Variants in SLC38A10 observed in about 807,000 individuals in gnomAD.
SLC38A10 encodes the protein solute carrier family 38 member 10, also known as Sodium-coupled neutral amino acid transporter 10.
SLC38A10 carries 53 observed loss-of-function variants against 81.0 expected under a neutral mutation model. That is an observed-to-expected ratio of 0.65 (90% CI 0.53 to 0.82). The LOEUF (loss-of-function observed/expected upper bound fraction) is 0.82, where lower values mean the gene tolerates loss of function less well. SLC38A10 is among the 40% of genes least tolerant of loss of function. The pLI is 0.00. For missense variants in SLC38A10, 1,471 were observed against 1,545.0 expected (o/e 0.95, Z 0.80); for synonymous variants, 665 against 655.3 (o/e 1.01, Z -0.23).
At chr17:81,280,493 C>A in intron 6 of SLC38A10, 116 bp downstream of exon 6, 1 of 1,471,810 alleles carries the variant, frequency 6.8e-7, no homozygotes, top group Non-Finnish European at 9.2e-7. Context: ...CAAGACATCA[C>A]TCTTTAGCAG....
At chr17:81,280,055 C>T (rs577052137) in intron 6 of SLC38A10, 16 of 413,168 alleles carry the variant, frequency 3.9e-5, no homozygotes, top group Middle Eastern at 4.1e-4. Context: ...TCTTTTCAGC[C>T]GGTTACCATG....
chr17:81,246,589 A>C lies in SLC38A10; in HGVS notation c.2327T>G (p.Leu776Arg). 6.6e-6 allele frequency: 10 copies of C among 1,516,914 alleles called. No homozygotes were observed. The highest frequency in any genetic ancestry group is 8.8e-6 in the Non-Finnish European group (10 of 1,134,736). 94.0% of individuals were successfully genotyped at this position (1,516,914 alleles called of 1,614,324 possible). ...EGKARETVEN[L>R]PPLPLDPVLR... ...GACAGGGTCCAAAGGCAGGGGAGGC[A>C]GATTCTCCACCGTCTCCCTGGCCTT... is the stretch of plus-strand genomic sequence containing the variant. The change falls in exon 16 of 16, where the codon CTG (leucine) becomes CGG (arginine). Residue 776 changes from leucine to arginine, a missense_variant. By Grantham distance (102) the Leu-to-Arg change is moderately radical. This residue lies in a region of SLC38A10 where 751 missense variants were observed against 717.4 expected (regional missense o/e 1.05). Transcript: ENST00000374759.
rs2062858497 is a variant in SLC38A10, at chr17:81,247,005, GTTC to G, written c.2119_2121del (p.Glu707del). ...AGCAAGCGCTTTTGCTGCACCTGCT[GTTC>G]TTTGATCACCTGAAGCAGGACGGCG... On this transcript the variant is annotated inframe_deletion, in exon 15 of 16. Transcript: ENST00000374759. The G allele has an allele frequency of 6.2e-7, 1 of 1,604,784 alleles. No individual in the cohort carries two copies. The highest frequency in any genetic ancestry group is 8.5e-7 in the Non-Finnish European group (1 of 1,179,478).
chr17:81,247,109 C>G (rs377118913), intron 14 of SLC38A10, 48 bp from the exon 15 acceptor site: 2 of 1,527,132 alleles, frequency 1.3e-6, no homozygotes, highest in Admixed American at 1.8e-5. Context: ...GCTCATGCAC[C>G]GTGCTGGGCC....
rs2063292501 is a variant in SLC38A10 at position 81,289,395 on chromosome 17, CAG to C, written c.217+294_217+295del. Among the ~76,000 whole-genome samples, 1 of 151,052 alleles carries C rather than the reference CAG, an allele frequency of 6.6e-6. No homozygotes were observed. Among genetic ancestry groups the C allele is most frequent in the Non-Finnish European group, 1.5e-5 (1 of 67,852 alleles). Reference sequence around the variant, plus strand: ...AATTTGATTTTTAATTCTTTTGAGACAGGGTCTCGCTCTGTCACCCAGGCTGG... The same window carrying C: ...AATTTGATTTTTAATTCTTTTGAGACGGTCTCGCTCTGTCACCCAGGCTGG... On this transcript the variant is annotated intron_variant, in intron 2 of 15. Transcript: ENST00000374759. The surrounding 1 kb of genome is among the most constrained non-coding windows in gnomAD (Gnocchi z 5.9).
chr17:81,251,925 C>T (rs1263582416), intron 13 of SLC38A10: 1 of 547,696 alleles, frequency 1.8e-6, no homozygotes. Flanking sequence ...CCGCGCCGCC[C>T]CCCGTGTGCG....
intron 8 of SLC38A10, 149 bp downstream of exon 8, chr17:81,275,820 T>C (rs890844756): frequency 3.6e-6 from 3 of 842,712 alleles, no homozygotes; most frequent in Admixed American, 2.7e-5. Context: ...CTGGTTCCTC[T>C]AGGCTCCCCC....
At chr17:81,268,622 A>G (rs1462919941) in intron 10 of SLC38A10, among the ~76,000 whole-genome samples, 1 of 152,164 alleles carries the variant, frequency 6.6e-6, no homozygotes, top group Non-Finnish European at 1.5e-5. Flanking sequence ...AGTTTTAAAT[A>G]AGGGTTGATA....
intron 5 of SLC38A10, 77 bp downstream of exon 5, chr17:81,282,112 C>A (rs7213540): frequency 6.3e-7 from 1 of 1,591,296 alleles, no homozygotes; most frequent in East Asian, 2.3e-5. Context: ...GACCTGGGCA[C>A]GAGCCTGCTG....
At chr17:81,248,061 C>T (rs1173956327) in intron 14 of SLC38A10, among the ~76,000 whole-genome samples, 1 of 150,246 alleles carries the variant, frequency 6.7e-6, no homozygotes, top group Non-Finnish European at 1.5e-5. Context: ...GGGTTCACGC[C>T]ATTCTTCTGC....
In SLC38A10 at chr17:81,276,380, TTTTC is replaced by T. The variant is rs1042682873; in HGVS notation, c.730-233_730-230del. ...TGTAAGAACATGCCCATTTCTTTCT[TTTTC>T]TTTCTTTTTTTTTTTTTTTGAGACG... On this transcript the variant is annotated intron_variant, in intron 7 of 15. Coordinates refer to ENST00000374759, the MANE Select transcript of SLC38A10 (RefSeq NM_001037984.3). The surrounding 1 kb of genome is among the most constrained non-coding windows in gnomAD (Gnocchi z 4.7). Among the ~76,000 whole-genome samples, 16 of 151,236 alleles carry T rather than the reference TTTTC, an allele frequency of 1.1e-4. No individual in the cohort carries two copies. Among genetic ancestry groups the T allele is most frequent in the East Asian group, 5.8e-4 (3 of 5,164 alleles).
In SLC38A10 at chr17:81,270,988, C is replaced by A; in HGVS notation, c.1061G>T (p.Gly354Val). ...TILGLTGATM[G>V]SLICFICPAL... Reference sequence around the variant, plus strand: ...CGGGCAGATGAAGCAGATGAGGCTTCCCATGGTCGCTCCTGTGAGGCCCAG... The same window carrying A: ...CGGGCAGATGAAGCAGATGAGGCTTACCATGGTCGCTCCTGTGAGGCCCAG... Residue 354 changes from glycine (G) to valine (V), a missense_variant, in exon 10 of 16, where the codon GGA becomes GTA. Coordinates refer to ENST00000374759, the MANE Select transcript of SLC38A10 (RefSeq NM_001037984.3). This position sits in a 1 kb window ranked among gnomAD's most constrained non-coding sequence, Gnocchi z 4.0. 1 of 1,613,600 alleles carries A rather than the reference C, an allele frequency of 6.2e-7. No homozygotes were observed.
chr17:81,276,719 C>T lies in SLC38A10; in HGVS notation c.729+312G>A, dbSNP rs2063165748. ...CATGCCCATTTCTACAGAGAATTAA[C>T]AGAGGTCTTGGAGAGAGAGTAAGAG... On this transcript the variant is annotated intron_variant, in intron 7 of 15. Coordinates refer to ENST00000374759, the MANE Select transcript of SLC38A10 (RefSeq NM_001037984.3). The surrounding 1 kb of genome is among the most constrained non-coding windows in gnomAD (Gnocchi z 4.7). Among the ~76,000 whole-genome samples the T allele has an allele frequency of 6.6e-6, 1 of 152,162 alleles. No homozygotes were observed. Among genetic ancestry groups the T allele is most frequent in the African/African-American group, 2.4e-5 (1 of 41,436 alleles).
chr17:81,272,768 A>G (rs2063128566), intron 8 of SLC38A10, 141 bp from the exon 9 acceptor site: 2 of 514,558 alleles, frequency 3.9e-6, no homozygotes, highest in South Asian at 2.8e-5. Context: ...CTGGCAGGTG[A>G]GCCTGACCAG....
chr17:81,293,397 C>G (rs557164082), intron 1 of SLC38A10, among the ~76,000 whole-genome samples: 1 of 152,378 alleles, frequency 6.6e-6, no homozygotes, highest in South Asian at 2.1e-4. Context: ...GCTCACCAAC[C>G]ATATCAGGCA....
chr17:81,291,319 T>A (rs1465643406), intron 1 of SLC38A10, among the ~76,000 whole-genome samples: 2 of 151,796 alleles, frequency 1.3e-5, no homozygotes, highest in Non-Finnish European at 2.9e-5. Context: ...CCACCTCTAC[T>A]GAAAACACAC....
chr17:81,246,891 T>C lies in SLC38A10; in HGVS notation c.2236A>G (p.Arg746Gly), dbSNP rs765017286. 12 of 1,592,642 alleles carry C rather than the reference T, an allele frequency of 7.5e-6. No homozygotes were observed. Among genetic ancestry groups the C allele is most frequent in the Non-Finnish European group, 9.4e-6 (11 of 1,167,458 alleles). The stretch of plus-strand genomic sequence containing the variant: ...ATCCGCCAGCCCGGCCTACCCTGCC[T>C]GGGTTTATCCTCCTCGTCCTCCTGC... ...QRQEDEEDKP[R>G]QVEVHQEPGA... The change falls in exon 15 of 16, where the codon AGG becomes GGG. Residue 746 changes from arginine to glycine, a missense_variant. By Grantham distance (125) the Arg-to-Gly change is moderately radical (BLOSUM62 -2). This residue lies in a region of SLC38A10 where 751 missense variants were observed against 717.4 expected (regional missense o/e 1.05). Transcript: ENST00000374759.
intron 6 of SLC38A10, among the ~76,000 whole-genome samples, chr17:81,279,502 C>T (rs1244699285): frequency 2.0e-5 from 3 of 152,168 alleles, no homozygotes; most frequent in Admixed American, 6.5e-5. Context: ...GAGGTCAGCG[C>T]AGCGGCCAGC....
Position 81,246,942 on chromosome 17 carries a change from G to A in SLC38A10, c.2185C>T (p.Gln729Ter). 6.2e-7 allele frequency: 1 copy of A among 1,607,610 alleles called. No individual in the cohort carries two copies. Among genetic ancestry groups the A allele is most frequent in the Non-Finnish European group, 8.5e-7 (1 of 1,179,504 alleles). The change falls in exon 15 of 16, where the codon CAG (glutamine) becomes TAG (stop). Residue 729 changes from glutamine to a stop codon, truncating the protein, a stop_gained. Transcript: ENST00000374759. LOFTEE classifies it high-confidence loss of function. ...QEKLLAVIEE[Q>*]HKEIHQQRQE... ...CTCTGCTGGTGGATCTCCTTGTGCT[G>A]CTCCTCGATCACCGCCAGCAGCTTC...
Sources: gnomAD v4.1 joint callset for allele counts (sites outside exome capture counted in the v4.1 genomes callset) on GRCh38, gnomAD v4.1.1 for gene constraint, gnomAD v4.1.1 regional missense constraint, Gnocchi (gnomAD v3.1) non-coding constraint, MANE v1.5 for transcripts, NCBI Gene and HGNC (gene_info 2026-07-23, HGNC 2026-07-21) for gene names.